The following YTHDC1 variants were observed in gnomAD, a reference collection of about 807,000 sequenced individuals.
YTHDC1 encodes the protein YTH domain-containing protein 1.
In YTHDC1, 12 loss-of-function variants were observed where a neutral mutation model predicts 107.0. The observed-to-expected ratio is 0.11, with a 90% CI of 0.07 to 0.18. YTHDC1 has a LOEUF of 0.18. Ranked by LOEUF, YTHDC1 falls within the 10% of genes least tolerant of loss-of-function variation. The pLI, the probability that YTHDC1 is intolerant of heterozygous loss-of-function variation, is 1.00. For synonymous variants in YTHDC1, 280 were observed against 289.5 expected (o/e 0.97, Z 0.33); for missense variants, 635 against 898.8 (o/e 0.71, Z 3.75).
chr4:68,346,096 T>TATATATAC (rs1230266568), intron 1 of YTHDC1, among the ~76,000 whole-genome samples: 1 of 140,382 alleles, frequency 7.1e-6, no homozygotes, highest in Non-Finnish European at 1.5e-5. Context: ...TATATATATA[T>TATATATAC]ATATACACAC....
chr4:68,314,411 C>A, intron 16 of YTHDC1, 88 bp from the exon 17 acceptor site: 1 of 1,121,458 alleles, frequency 8.9e-7, no homozygotes, highest in South Asian at 2.0e-5. Flanking sequence ...TTTATATAAA[C>A]AATTTTAAAA....
In YTHDC1 at chr4:68,337,738, T is replaced by G. The variant is rs1294379406; in HGVS notation, c.293A>C (p.Glu98Ala). The change falls in exon 3 of 17, where the codon GAG becomes GCG. Residue 98 changes from glutamate (E) to alanine (A), a missense_variant. Transcript: ENST00000344157. ...KGKSATEYKN[E>A]EYQRSERNKR... is the part of the protein sequence containing the mutation. ...GTTTCTTTCAGATCTTTGATATTCC[T>G]CATTTTTATACTCTGTGGCTGACTT... is the stretch of plus-strand genomic sequence containing the variant. 1 of 1,614,180 alleles carries G rather than the reference T, an allele frequency of 6.2e-7. No homozygotes were observed. Among genetic ancestry groups the G allele is most frequent in the Non-Finnish European group, 8.5e-7 (1 of 1,180,022 alleles).
At position 68,349,874 on chromosome 4, in the gene YTHDC1, G is replaced by T; in HGVS notation, c.-121C>A. The stretch of plus-strand genomic sequence containing the variant: ...TCAGTCCGTCTGCCCGGATACGCGC[G>T]TCGCACTTGGCCTCTTAACACTCAG... On this transcript the variant is annotated 5_prime_UTR_variant, in exon 1 of 17. Coordinates refer to ENST00000344157, the MANE Select transcript of YTHDC1 (RefSeq NM_001031732.4). 1 of 1,397,574 alleles carries T rather than the reference G, an allele frequency of 7.2e-7. No individual in the cohort carries two copies. The highest frequency in any genetic ancestry group is 1.0e-6 in the Non-Finnish European group (1 of 1,000,976). 86.6% of individuals were successfully genotyped at this position (1,397,574 alleles called of 1,614,324 possible).
chr4:68,323,335 G>T (rs79454882), intron 10 of YTHDC1, among the ~76,000 whole-genome samples: 1 of 152,176 alleles, frequency 6.6e-6, no homozygotes, highest in African/African-American at 2.4e-5. Flanking sequence ...TTACCACAAA[G>T]GCAGACCAAT....
In YTHDC1 at chr4:68,338,346, C is replaced by T. The variant is rs1414235889; in HGVS notation, c.67G>A (p.Val23Ile). Residue 23 changes from valine to isoleucine, a missense_variant, in exon 2 of 17, where the codon GTA (valine) becomes ATA (isoleucine). Coordinates refer to ENST00000344157, the MANE Select transcript of YTHDC1 (RefSeq NM_001031732.4). ...TACAGTTCATCATCTTGTTCTGGTACTTCAGTTAAAATATCATCCAGAACA... is the reference window on the plus strand; with the variant it reads ...TACAGTTCATCATCTTGTTCTGGTATTTCAGTTAAAATATCATCCAGAACA... ...LNVLDDILTE[V>I]PEQDDELYNP... The T allele has an allele frequency of 6.2e-7, 1 of 1,605,934 alleles. No individual in the cohort carries two copies. Among genetic ancestry groups the T allele is most frequent in the East Asian group, 2.2e-5 (1 of 44,730 alleles).
intron 15 of YTHDC1, among the ~76,000 whole-genome samples, chr4:68,317,588 T>A (rs1722001534): frequency 6.6e-6 from 1 of 152,226 alleles, no homozygotes; most frequent in South Asian, 2.1e-4. Flanking sequence ...ACAATTCAGT[T>A]TTCTTAAAGG....
intron 1 of YTHDC1, among the ~76,000 whole-genome samples, chr4:68,349,445 C>T (rs1186180532): frequency 1.3e-5 from 2 of 152,216 alleles, no homozygotes; most frequent in Non-Finnish European, 2.9e-5. Flanking sequence ...TCAGAAAGGG[C>T]CCCTCTCAGC....
intron 1 of YTHDC1, among the ~76,000 whole-genome samples, chr4:68,340,523 G>C (rs958603554): frequency 6.6e-6 from 1 of 151,928 alleles, no homozygotes; most frequent in African/African-American, 2.4e-5. Context: ...TTCAAGATCT[G>C]AATGGTGGCA....
chr4:68,310,617 G>C lies in YTHDC1; in HGVS notation c.*3482C>G, dbSNP rs1721234696. ...TATAAGGAACTTGGGGACTAAACTT[G>C]AGCCAGTTCTTTCCTGTGTGCCTCA... On this transcript the variant is annotated 3_prime_UTR_variant, in exon 17 of 17. Transcript: ENST00000344157. 1 of 152,158 alleles carries C rather than the reference G, an allele frequency of 6.6e-6. No homozygotes were observed. Among genetic ancestry groups the C allele is most frequent in the Admixed American group, 6.5e-5 (1 of 15,276 alleles). The allele number at this position is 152,158 out of a possible 1,614,324, so 9.4% of individuals were successfully genotyped here. A position where few individuals can be genotyped will look rare whatever the true frequency, so the allele number is the denominator to read the frequency against.
intron 1 of YTHDC1, among the ~76,000 whole-genome samples, chr4:68,340,454 T>C (rs914032637): frequency 6.6e-6 from 1 of 152,074 alleles, no homozygotes. Context: ...AATCAAGATA[T>C]GTCAAACAAA....
intron 16 of YTHDC1, among the ~76,000 whole-genome samples, chr4:68,315,072 T>C (rs1007715049): frequency 2.6e-5 from 4 of 152,112 alleles, no homozygotes; most frequent in Admixed American, 2.0e-4. Flanking sequence ...AAGGATATAG[T>C]TGAGGAAAAC....
Position 68,314,203 on chromosome 4 carries a change from T to C in YTHDC1, c.2080A>G (p.Arg694Gly). Residue 694 changes from arginine to glycine, a missense_variant, in exon 17 of 17, where the codon AGA (arginine) becomes GGA (glycine). Arg to Gly is a moderately radical substitution (Grantham distance 125, BLOSUM62 -2). Coordinates refer to ENST00000344157, the MANE Select transcript of YTHDC1 (RefSeq NM_001031732.4). ...CCTCTATCTCGCTCTCTGTCTCGTC[T>C]GTTATCTCTAGGGCGGTCTCGCTCT... The part of the protein sequence containing the change: ...ERERDRPRDN[R>G]RDRERDRGRD... The C allele has an allele frequency of 6.2e-7, 1 of 1,613,626 alleles. No individual in the cohort carries two copies. Among genetic ancestry groups the C allele is most frequent in the Non-Finnish European group, 8.5e-7 (1 of 1,179,754 alleles).
At chr4:68,334,028 G>A (rs1723885535) in intron 4 of YTHDC1, among the ~76,000 whole-genome samples, 1 of 152,068 alleles carries the variant, frequency 6.6e-6, no homozygotes, top group Non-Finnish European at 1.5e-5. Flanking sequence ...ATGGTAGCCT[G>A]TGTATTTCTG....
rs1279706794 is a variant in YTHDC1 at position 68,349,649 on chromosome 4, C to T, written c.28+77G>A. 6.5e-6 allele frequency: 3 copies of T among 461,802 alleles called. No homozygotes were observed. In the African/African-American group the frequency reaches 6.6e-5, roughly 10 times the overall value. 28.6% of individuals were successfully genotyped at this position (461,802 alleles called of 1,614,324 possible). On this transcript the variant is annotated intron_variant, in intron 1 of 16. Transcript: ENST00000344157. Reference sequence around the variant, plus strand: ...CTCCCCAACCCCCACCCCCCACCCCCAACGACGACCACTGCTCCATCACCC... The same window carrying T: ...CTCCCCAACCCCCACCCCCCACCCCTAACGACGACCACTGCTCCATCACCC...
chr4:68,328,480 A>G (rs1017402567), intron 9 of YTHDC1, among the ~76,000 whole-genome samples: 1 of 152,222 alleles, frequency 6.6e-6, no homozygotes, highest in Non-Finnish European at 1.5e-5. Flanking sequence ...AAGCACTAAC[A>G]GTCTCACCAC....
At chr4:68,323,980 A>G (rs537937666) in intron 10 of YTHDC1, among the ~76,000 whole-genome samples, 159 bp downstream of exon 10, 1 of 152,378 alleles carries the variant, frequency 6.6e-6, no homozygotes, top group Admixed American at 6.5e-5. Flanking sequence ...ATGTCTTATT[A>G]GTCTCAATCA....
intron 1 of YTHDC1, among the ~76,000 whole-genome samples, chr4:68,342,447 T>G (rs192049667): frequency 6.6e-6 from 1 of 152,252 alleles, no homozygotes; most frequent in Non-Finnish European, 1.5e-5. Flanking sequence ...TCACAGTATT[T>G]ATTCATCACA....
At chr4:68,316,187 T>C in intron 16 of YTHDC1, 127 bp downstream of exon 16, 1 of 1,106,990 alleles carries the variant, frequency 9.0e-7, no homozygotes, top group Non-Finnish European at 1.3e-6. Flanking sequence ...CAAACAATTA[T>C]TCCAAAACAG....
In YTHDC1 at chr4:68,311,386, C is replaced by T. The variant is rs1438195788; in HGVS notation, c.*2713G>A. The T allele has an allele frequency of 6.6e-6, 1 of 151,348 alleles. No homozygotes were observed. The highest frequency in any genetic ancestry group is 6.6e-5 in the Admixed American group (1 of 15,158). The allele number at this position is 151,348 out of a possible 1,614,324, so 9.4% of individuals were successfully genotyped here. ...GAATTTTCACTCCTTTGAACTATTACTCCAGCCAATAAAATCCCTGACCGG... is the reference window on the plus strand; with the variant it reads ...GAATTTTCACTCCTTTGAACTATTATTCCAGCCAATAAAATCCCTGACCGG... On this transcript the variant is annotated 3_prime_UTR_variant, in exon 17 of 17. Coordinates refer to ENST00000344157, the MANE Select transcript of YTHDC1 (RefSeq NM_001031732.4).
Sources: allele counts gnomAD v4.1 joint callset (sites outside exome capture counted in the v4.1 genomes callset), GRCh38; gene constraint gnomAD v4.1.1; transcripts MANE v1.5; gene names NCBI Gene and HGNC (gene_info 2026-07-23, HGNC 2026-07-21).